MTAP: variants seen among roughly 807,000 people sequenced by gnomAD.
MTAP encodes the protein S-methyl-5'-thioadenosine phosphorylase.
MTAP carries 33 observed loss-of-function variants against 33.6 expected under a neutral mutation model. The ratio of observed to expected loss-of-function variants is 0.98; its 90% confidence interval spans 0.74 to 1.31. MTAP has a LOEUF of 1.31. Among genes scored for constraint, MTAP ranks in the 40% most tolerant of loss-of-function variants. MTAP has a pLI of 0.00. For missense variants in MTAP, 367 were observed against 360.0 expected (o/e 1.02, Z -0.16); for synonymous variants, 148 against 125.7 (o/e 1.18, Z -1.19).
rs536401917 is a variant in MTAP, at chr9:21,922,627, G to C, written c.148-8381G>C. ...CCACATGGCTTGGATACGTTCCCCA[G>C]TGGTAAGAAATCTCTATGCCTCTCC... On this transcript the variant is annotated intron_variant, in intron 1 of 1. Transcript: ENST00000577563. The surrounding 1 kb of genome is among the most constrained non-coding windows in gnomAD (Gnocchi z 4.8). Among the ~76,000 whole-genome samples the C allele has an allele frequency of 4.6e-5, 7 of 152,148 alleles. No homozygotes were observed. Among genetic ancestry groups the C allele is most frequent in the Non-Finnish European group, 1.0e-4 (7 of 68,020 alleles).
chr9:21,856,387 A>G (rs146633011), intron 6 of MTAP, among the ~76,000 whole-genome samples: 415 of 152,326 alleles, frequency 2.7e-3, no homozygotes, highest in Non-Finnish European at 3.8e-3. Context: ...TTTGCTTAGT[A>G]CTAGGATGCC....
At chr9:21,903,056 T>A (rs1241876948) in intron 1 of MTAP, among the ~76,000 whole-genome samples, 3 of 152,124 alleles carry the variant, frequency 2.0e-5, no homozygotes, top group Admixed American at 1.3e-4. Flanking sequence ...AAAATGAGGC[T>A]GTGTTGTCTT....
At chr9:21,887,003 C>T (rs1362579184) in intron 1 of MTAP, among the ~76,000 whole-genome samples, 1 of 152,118 alleles carries the variant, frequency 6.6e-6, no homozygotes, top group Non-Finnish European at 1.5e-5. Context: ...ATAGGAATTG[C>T]AATGAATTTG....
chr9:21,873,617 A>T (rs10965171), intron 1 of MTAP, among the ~76,000 whole-genome samples: 2 of 109,262 alleles, frequency 1.8e-5, no homozygotes, highest in African/African-American at 3.7e-5. Flanking sequence ...CCCGCCCCCC[A>T]CCCCAAGAAC....
intron 7 of MTAP, chr9:21,860,499 CTG>C (rs1456439652): frequency 6.6e-6 from 1 of 152,182 alleles, no homozygotes; most frequent in Non-Finnish European, 1.5e-5. Flanking sequence ...GGTTTCAACA[CTG>C]TATACCTAGG....
At chr9:21,873,525 G>A (rs945657101) in intron 1 of MTAP, among the ~76,000 whole-genome samples, 1 of 151,972 alleles carries the variant, frequency 6.6e-6, no homozygotes, top group African/African-American at 2.4e-5. Flanking sequence ...GTGAGAACAC[G>A]TCTAGAAGGT....
intron 1 of MTAP, chr9:21,811,575 G>A (rs920691155): frequency 2.5e-6 from 1 of 397,008 alleles, no homozygotes; most frequent in Non-Finnish European, 5.0e-6. Context: ...CGTGAATAAA[G>A]GGTTCACACC....
chr9:21,865,061 G>C lies in MTAP; in HGVS notation c.*3047G>C. Reference sequence around the variant, plus strand: ...ATGAGGAGTTCTTGCCACATTTGCAGAGTCCCTCCTTGATAAGGTTTGGCG... The same window carrying C: ...ATGAGGAGTTCTTGCCACATTTGCACAGTCCCTCCTTGATAAGGTTTGGCG... On this transcript the variant is annotated 3_prime_UTR_variant, in exon 8 of 8. Coordinates refer to ENST00000644715, the MANE Select transcript of MTAP (RefSeq NM_002451.4). 1 of 985,448 alleles carries C rather than the reference G, an allele frequency of 1.0e-6. No homozygotes were observed. The highest frequency in any genetic ancestry group is 1.2e-6 in the Non-Finnish European group (1 of 829,944). The allele number at this position is 985,448 out of a possible 1,614,324, so 61.0% of individuals were successfully genotyped here.
downstream of MTAP, chr9:21,933,632 T>C (rs112648256): frequency 4.0e-4 from 61 of 152,366 alleles, 1 homozygote; most frequent in African/African-American, 1.4e-3. Context: ...TGAAAAGCTT[T>C]AGCCATCCTT....
At chr9:21,830,343 G>A (rs1824935966) in intron 4 of MTAP, among the ~76,000 whole-genome samples, 2 of 152,156 alleles carry the variant, frequency 1.3e-5, no homozygotes, top group Admixed American at 6.5e-5. Flanking sequence ...TCTATACCAA[G>A]AACTTTGTCT....
At chr9:21,898,936 A>T (rs1180678426) in intron 1 of MTAP, among the ~76,000 whole-genome samples, 4 of 152,166 alleles carry the variant, frequency 2.6e-5, no homozygotes, top group African/African-American at 9.7e-5. Context: ...ATGCACATGT[A>T]TGTTTATTGT....
At chr9:21,900,771 G>A (rs1818378819) in intron 1 of MTAP, among the ~76,000 whole-genome samples, 1 of 152,330 alleles carries the variant, frequency 6.6e-6, no homozygotes, top group Non-Finnish European at 1.5e-5. Flanking sequence ...CAACCTTGAT[G>A]CCCATCAACA....
chr9:21,886,338 A>G (rs1818110798), intron 1 of MTAP, among the ~76,000 whole-genome samples: 2 of 151,918 alleles, frequency 1.3e-5, no homozygotes, highest in Admixed American at 6.6e-5. Context: ...TTCCTTGTGG[A>G]TTCTGGATAT....
intron 5 of MTAP, among the ~76,000 whole-genome samples, chr9:21,841,636 A>G (rs1408989814): frequency 1.3e-5 from 2 of 149,062 alleles, no homozygotes; most frequent in Non-Finnish European, 3.0e-5. Flanking sequence ...AACAGCCCAG[A>G]GCCTGGTGGC....
At chr9:21,824,283 G>A (rs1395260507) in intron 4 of MTAP, among the ~76,000 whole-genome samples, 2 of 152,174 alleles carry the variant, frequency 1.3e-5, no homozygotes, top group East Asian at 1.9e-4. Flanking sequence ...TGGTTTTGGT[G>A]TGGATGTCCT....
chr9:21,865,637 A>C lies in MTAP; in HGVS notation c.*3623A>C, dbSNP rs1290925872. 1.3e-5 allele frequency: 13 copies of C among 991,484 alleles called. No individual in the cohort carries two copies. The highest frequency in any genetic ancestry group is 1.6e-5 in the Non-Finnish European group (13 of 833,026). The allele number at this position is 991,484 out of a possible 1,614,324, so 61.4% of individuals were successfully genotyped here. On this transcript the variant is annotated 3_prime_UTR_variant, in exon 8 of 8. Coordinates refer to ENST00000644715, the MANE Select transcript of MTAP (RefSeq NM_002451.4). Reference sequence around the variant, plus strand: ...CAGTAAATGAAGACCATGGAAGAAAAGAAGGAATGCCAAAGATCGAGGAAA... The same window carrying C: ...CAGTAAATGAAGACCATGGAAGAAACGAAGGAATGCCAAAGATCGAGGAAA...
At chr9:21,883,886 T>C (rs1056881193) in intron 1 of MTAP, among the ~76,000 whole-genome samples, 1 of 152,058 alleles carries the variant, frequency 6.6e-6, no homozygotes, top group Non-Finnish European at 1.5e-5. Flanking sequence ...GTGGCAGCTC[T>C]GTGTTGTGAG....
Position 21,802,689 on chromosome 9 carries a change from C to T in MTAP, c.-60C>T, listed in dbSNP as rs987875505. 41 of 1,576,772 alleles carry T rather than the reference C, an allele frequency of 2.6e-5. No homozygotes were observed. The African/African-American group carries it at 5.0e-4, about 19-fold the overall frequency. ...GGTTGGCACAGCCACCGCTCTGTGG[C>T]TCGCTTGGTTCCCTTAGTCCCGAGC... On this transcript the variant is annotated 5_prime_UTR_variant, in exon 1 of 8. Transcript: ENST00000644715.
downstream of MTAP, among the ~76,000 whole-genome samples, chr9:21,868,492 G>A (rs1825888901): frequency 6.6e-6 from 1 of 152,174 alleles, no homozygotes; most frequent in African/African-American, 2.4e-5. Context: ...TTACAGACAT[G>A]TGCCTCCCTC....
Sources: gnomAD v4.1 joint callset for allele counts (sites outside exome capture counted in the v4.1 genomes callset) on GRCh38, gnomAD v4.1.1 for gene constraint, Gnocchi (gnomAD v3.1) non-coding constraint, MANE v1.5 for transcripts, NCBI Gene and HGNC (gene_info 2026-07-23, HGNC 2026-07-21) for gene names.